The following SORCS3 variants were observed in gnomAD, a reference collection of about 807,000 sequenced individuals.
SORCS3 encodes the protein VPS10 domain-containing receptor SorCS3.
In SORCS3, 57 loss-of-function variants were observed where a neutral mutation model predicts 146.3. The ratio of observed to expected loss-of-function variants is 0.39; its 90% CI spans 0.31 to 0.49. The LOEUF is 0.49. Among genes scored for constraint, SORCS3 ranks in the 20% least tolerant of loss-of-function variants. SORCS3 has a pLI of 0.92. For synonymous variants in SORCS3, 653 were observed against 618.5 expected (o/e 1.06, Z -0.83); for missense variants, 1,341 against 1,575.5 (o/e 0.85, Z 2.52).
intron 14 of SORCS3, among the ~76,000 whole-genome samples, chr10:105,198,388 C>A (rs113209639): frequency 8.5e-5 from 13 of 152,238 alleles, no homozygotes; most frequent in African/African-American, 3.1e-4. Flanking sequence ...GGTCTCCTCC[C>A]ACTGTTTTTG....
intron 4 of SORCS3, among the ~76,000 whole-genome samples, chr10:105,011,007 G>T (rs1005379827): frequency 5.3e-5 from 8 of 152,158 alleles, no homozygotes; most frequent in African/African-American, 1.9e-4. Flanking sequence ...GATGGCTGGA[G>T]GAAGGGGAAG....
chr10:104,763,107 C>T lies in SORCS3; in HGVS notation c.628-79685C>T, dbSNP rs990672706. ...GTTTCTCAAAGTGTGGTCCCTGGCA[C>T]GTGATAGAAATGCTAATTTTTGGTT... On this transcript the variant is annotated intron_variant, in intron 1 of 26. Transcript: ENST00000369701. Among the ~76,000 whole-genome samples, 9 of 152,094 alleles carry T rather than the reference C, an allele frequency of 5.9e-5. No homozygotes were observed. The South Asian group carries it at 6.2e-4, about 11-fold the overall frequency.
intron 4 of SORCS3, among the ~76,000 whole-genome samples, chr10:104,977,835 G>A (rs548872841): frequency 2.0e-5 from 3 of 149,364 alleles, no homozygotes; most frequent in Admixed American, 6.8e-5. Flanking sequence ...GGGTTCAAGC[G>A]ATTCTCCTGC....
At chr10:105,077,077 C>T (rs1415394503) in intron 5 of SORCS3, among the ~76,000 whole-genome samples, 1 of 152,138 alleles carries the variant, frequency 6.6e-6, no homozygotes, top group Non-Finnish European at 1.5e-5. Context: ...CATTTGGTTC[C>T]AGCCATATAG....
intron 12 of SORCS3, among the ~76,000 whole-genome samples, chr10:105,166,119 A>G (rs950688970): frequency 1.3e-5 from 2 of 152,200 alleles, no homozygotes; most frequent in African/African-American, 2.4e-5. Context: ...CATCATTAAT[A>G]GGGACATTTT....
intron 1 of SORCS3, among the ~76,000 whole-genome samples, chr10:104,697,063 T>C (rs2016225075): frequency 6.6e-6 from 1 of 151,936 alleles, no homozygotes; most frequent in African/African-American, 2.4e-5. Context: ...TGGGTGGTGA[T>C]GGATGTATTA....
intron 1 of SORCS3, among the ~76,000 whole-genome samples, chr10:104,801,977 C>T (rs925254714): frequency 6.6e-6 from 1 of 152,124 alleles, no homozygotes; most frequent in Non-Finnish European, 1.5e-5. Context: ...GACCTACTTC[C>T]CATTGCCAGC....
chr10:105,037,061 G>T (rs1379973876), intron 4 of SORCS3, among the ~76,000 whole-genome samples: 1 of 152,074 alleles, frequency 6.6e-6, no homozygotes, highest in African/African-American at 2.4e-5. Context: ...ACATTTTGTT[G>T]CCTCTTCTGA....
At chr10:104,838,219 T>A (rs1320208080) in intron 1 of SORCS3, among the ~76,000 whole-genome samples, 1 of 152,130 alleles carries the variant, frequency 6.6e-6, no homozygotes, top group Non-Finnish European at 1.5e-5. Flanking sequence ...GATCCGGAAC[T>A]ACCCCCTCCA....
chr10:105,096,131 C>CACACACACACACAG (rs1554876843), intron 6 of SORCS3, among the ~76,000 whole-genome samples: 1 of 133,924 alleles, frequency 7.5e-6, no homozygotes, highest in African/African-American at 2.7e-5. Context: ...CACACACACA[C>CACACACACACACAG]AGACACAAAC....
intron 1 of SORCS3, among the ~76,000 whole-genome samples, chr10:104,735,404 G>GTT (rs1360349060): frequency 7.0e-6 from 1 of 142,630 alleles, no homozygotes; most frequent in Non-Finnish European, 1.5e-5. Context: ...TATTTTTCAT[G>GTT]TTTATTTCGG....
intron 1 of SORCS3, among the ~76,000 whole-genome samples, chr10:104,779,850 C>T (rs538375397): frequency 5.9e-5 from 9 of 152,290 alleles, no homozygotes; most frequent in Non-Finnish European, 1.2e-4. Flanking sequence ...TGCCTCACCC[C>T]GCGCGCTCCG....
In SORCS3 at chr10:105,043,139, T is replaced by C; in HGVS notation, c.1028+11T>C. On this transcript the variant is annotated intron_variant, in intron 5 of 26. Transcript: ENST00000369701. Reference sequence around the variant, plus strand: ...CAACAGGTTTTATTGGTAAGCCCTATCCACACACTCATTACTTCTTAGATA... The same window carrying C: ...CAACAGGTTTTATTGGTAAGCCCTACCCACACACTCATTACTTCTTAGATA... The C allele has an allele frequency of 1.2e-6, 2 of 1,610,058 alleles. No individual in the cohort carries two copies. The highest frequency in any genetic ancestry group is 1.7e-6 in the Non-Finnish European group (2 of 1,176,392).
At chr10:104,846,321 T>G (rs1476518228) in intron 2 of SORCS3, among the ~76,000 whole-genome samples, 3 of 152,210 alleles carry the variant, frequency 2.0e-5, no homozygotes, top group African/African-American at 7.2e-5. Context: ...CTGATAATGA[T>G]GTATTTTATA....
chr10:104,928,538 T>C (rs538044946), intron 3 of SORCS3, among the ~76,000 whole-genome samples: 1 of 151,866 alleles, frequency 6.6e-6, no homozygotes, highest in Non-Finnish European at 1.5e-5. Context: ...CGATTTTTTT[T>C]TCTTCAACCA....
intron 1 of SORCS3, among the ~76,000 whole-genome samples, chr10:104,825,732 C>A (rs952962471): frequency 1.3e-5 from 2 of 152,130 alleles, no homozygotes; most frequent in South Asian, 2.1e-4. Context: ...CATTTAGCCC[C>A]ACCCCTGTTG....
chr10:105,191,395 T>C (rs980045106), intron 14 of SORCS3, among the ~76,000 whole-genome samples: 65 of 152,078 alleles, frequency 4.3e-4, no homozygotes, highest in African/African-American at 1.5e-3. Context: ...ACCAAGAAAA[T>C]AGAATAATCT....
chr10:104,687,127 A>G (rs1429862111), intron 1 of SORCS3, among the ~76,000 whole-genome samples: 2 of 152,104 alleles, frequency 1.3e-5, no homozygotes, highest in Non-Finnish European at 2.9e-5. Flanking sequence ...CCACCCATCC[A>G]TACATCCATG....
intron 3 of SORCS3, among the ~76,000 whole-genome samples, chr10:104,958,430 T>A (rs1044697826): frequency 3.9e-5 from 6 of 152,140 alleles, no homozygotes; most frequent in Non-Finnish European, 8.8e-5. Flanking sequence ...CAAGAGGGAA[T>A]TAAAGTTCTA....
Sources: allele counts gnomAD v4.1 joint callset (sites outside exome capture counted in the v4.1 genomes callset), GRCh38; gene constraint gnomAD v4.1.1; transcripts MANE v1.5; gene names NCBI Gene and HGNC (gene_info 2026-07-23, HGNC 2026-07-21).